The following YWHAZ variants were observed in gnomAD, a reference collection of about 807,000 sequenced individuals.
YWHAZ encodes the protein tyrosine 3-monooxygenase/tryptophan 5-monooxygenase activation protein zeta.
For synonymous variants in YWHAZ, 87 were observed against 103.6 expected (o/e 0.84, Z 0.97); for missense variants, 79 against 284.8 (o/e 0.28, Z 5.20).
chr8:100,928,327 C>T (rs1481176882), intron 2 of YWHAZ, among the ~76,000 whole-genome samples: 2 of 151,836 alleles, frequency 1.3e-5, no homozygotes, highest in Non-Finnish European at 2.9e-5. Flanking sequence ...TCTAATAAAT[C>T]GTCCAATGAC....
intron 5 of YWHAZ, 177 bp downstream of exon 5, chr8:100,923,778 G>T (rs1360926515): frequency 4.1e-6 from 2 of 483,498 alleles, no homozygotes. Context: ...TAATATTTCA[G>T]TTTCTGTAAT....
Position 100,946,445 on chromosome 8 carries a change from G to C in YWHAZ, c.294+2151C>G, listed in dbSNP as rs1810276628. 2.6e-5 allele frequency among the ~76,000 whole-genome samples: 4 copies of C among 152,286 alleles called. No homozygotes were observed. In the South Asian group the frequency reaches 8.3e-4, roughly 32 times the overall value. ...CACGCCCAGTAATCCCAGCTACTCG[G>C]GAGGTCAAGGCAGAAGAATTGCTTG... On this transcript the variant is annotated intron_variant, in intron 2 of 5. Transcript: ENST00000395958.
chr8:100,948,222 T>TA lies in YWHAZ; in HGVS notation c.294+373dup, dbSNP rs761973519. 32 of 1,249,998 alleles carry TA rather than the reference T, an allele frequency of 2.6e-5. 1 individual carries two copies. In the East Asian group the frequency reaches 2.6e-4, roughly 10 times the overall value. The allele number at this position is 1,249,998 out of a possible 1,614,324, so 77.4% of individuals were successfully genotyped here. A position where few individuals can be genotyped will look rare whatever the true frequency, so the allele number is the denominator to read the frequency against. ...AGTATCCTATTACATCTCTCTTACC[T>TA]AAAGTATGTAAAATTCCTTTATCCA... On this transcript the variant is annotated intron_variant, in intron 2 of 5. Coordinates refer to ENST00000395958, the MANE Select transcript of YWHAZ (RefSeq NM_145690.3). This position sits in a 1 kb window ranked among gnomAD's most constrained non-coding sequence, Gnocchi z 4.2.
At chr8:100,921,867 G>A (rs1406594474) in intron 5 of YWHAZ, among the ~76,000 whole-genome samples, 3 of 152,206 alleles carry the variant, frequency 2.0e-5, no homozygotes, top group Admixed American at 1.3e-4. Flanking sequence ...ATTACAAAAG[G>A]ATTCAAGACA....
chr8:100,934,887 C>T (rs1814031301), intron 2 of YWHAZ: 1 of 152,052 alleles, frequency 6.6e-6, no homozygotes, highest in African/African-American at 2.4e-5. Flanking sequence ...GTTACAGCAG[C>T]TTTATTTTTT....
intron 1 of YWHAZ, chr8:100,951,217 A>T: frequency 1.0e-6 from 1 of 983,860 alleles, no homozygotes; most frequent in Non-Finnish European, 1.2e-6. Flanking sequence ...GCCGGCGCGC[A>T]GCCTCGCCCC....
Position 100,948,232 on chromosome 8 carries a change from A to G in YWHAZ, c.294+364T>C. ...TACATCTCTCTTACCTAAAGTATGT[A>G]AAATTCCTTTATCCACAGATGTACA... On this transcript the variant is annotated intron_variant, in intron 2 of 5. Transcript: ENST00000395958. The surrounding 1 kb of genome is among the most constrained non-coding windows in gnomAD (Gnocchi z 4.2). The G allele has an allele frequency of 8.5e-7, 1 of 1,182,622 alleles. No individual in the cohort carries two copies. Among genetic ancestry groups the G allele is most frequent in the African/African-American group, 1.5e-5 (1 of 64,842 alleles). 73.3% of individuals were successfully genotyped at this position (1,182,622 alleles called of 1,614,324 possible). A position where few individuals can be genotyped will look rare whatever the true frequency, so the allele number is the denominator to read the frequency against.
chr8:100,920,778 A>G, intron 5 of YWHAZ, 26 bp from the exon 6 acceptor site: 1 of 529,790 alleles, frequency 1.9e-6, no homozygotes, highest in East Asian at 7.4e-5. Flanking sequence ...AAGATTTTTC[A>G]GCAAGTTTCA....
intron 2 of YWHAZ, among the ~76,000 whole-genome samples, chr8:100,940,080 G>T: frequency 8.6e-6 from 1 of 116,682 alleles, no homozygotes; most frequent in East Asian, 2.9e-4. Flanking sequence ...AAAAAAAAAA[G>T]TGAAACACTA....
In YWHAZ at chr8:100,916,950, A is replaced by G. The variant is rs1812734679; in HGVS notation, c.*3743T>C. The G allele has an allele frequency of 6.6e-6, 1 of 152,236 alleles. No individual in the cohort carries two copies. The highest frequency in any genetic ancestry group is 2.1e-4 in the South Asian group (1 of 4,836). 9.4% of individuals were successfully genotyped at this position (152,236 alleles called of 1,614,324 possible). On this transcript the variant is annotated 3_prime_UTR_variant, in exon 6 of 6. Coordinates refer to ENST00000395958, the MANE Select transcript of YWHAZ (RefSeq NM_145690.3). ...AGTGCCCAGTCTCAGCCACCACTTT[A>G]CTATTGTACATATTTTCAGTTCTAC...
chr8:100,926,717 A>AT lies in YWHAZ; in HGVS notation c.295-1679dup, dbSNP rs543546773. ...TCTTACACCACATTCATACTTTCAT[A>AT]TTCAAAGTTCTCTTAGCTGCAAAAG... On this transcript the variant is annotated intron_variant, in intron 2 of 5. Transcript: ENST00000395958. Among the ~76,000 whole-genome samples, 85 of 152,362 alleles carry AT rather than the reference A, an allele frequency of 5.6e-4. No individual in the cohort carries two copies. In the South Asian group the frequency reaches 0.016, roughly 28 times the overall value.
Position 100,924,090 on chromosome 8 carries a change from A to G in YWHAZ, c.583-40T>C. The G allele has an allele frequency of 6.2e-7, 1 of 1,607,860 alleles. No homozygotes were observed. The highest frequency in any genetic ancestry group is 8.5e-7 in the Non-Finnish European group (1 of 1,178,028). ...TAGTACATTACATTTCAGTGCTCAAATAATAAAGACTGCTAAATTTCTACG... is the reference window on the plus strand; with the variant it reads ...TAGTACATTACATTTCAGTGCTCAAGTAATAAAGACTGCTAAATTTCTACG... On this transcript the variant is annotated intron_variant, in intron 4 of 5. Coordinates refer to ENST00000395958, the MANE Select transcript of YWHAZ (RefSeq NM_145690.3). This position sits in a 1 kb window ranked among gnomAD's most constrained non-coding sequence, Gnocchi z 5.7.
chr8:100,936,259 G>A (rs1814138688), intron 2 of YWHAZ, among the ~76,000 whole-genome samples: 1 of 152,166 alleles, frequency 6.6e-6, no homozygotes, highest in Non-Finnish European at 1.5e-5. Flanking sequence ...TATTTAAAAA[G>A]CACTTTGGCA....
chr8:100,931,008 A>G (rs190341765), intron 2 of YWHAZ, among the ~76,000 whole-genome samples: 1 of 152,358 alleles, frequency 6.6e-6, no homozygotes, highest in African/African-American at 2.4e-5. Flanking sequence ...AAGAGAGGAC[A>G]CTAATCCTTA....
chr8:100,920,667 G>C lies in YWHAZ; in HGVS notation c.*26C>G. The C allele has an allele frequency of 6.3e-7, 1 of 1,591,188 alleles. No individual in the cohort carries two copies. The highest frequency in any genetic ancestry group is 8.6e-7 in the Non-Finnish European group (1 of 1,160,400). On this transcript the variant is annotated 3_prime_UTR_variant, in exon 6 of 6. Coordinates refer to ENST00000395958, the MANE Select transcript of YWHAZ (RefSeq NM_145690.3). Reference sequence around the variant, plus strand: ...TGGTCTACTGTGTAAATTTTAGAATGAGGCAGACAAAAGTTGGAAGGCCGG... The same window carrying C: ...TGGTCTACTGTGTAAATTTTAGAATCAGGCAGACAAAAGTTGGAAGGCCGG...
At chr8:100,951,204 C>A (rs1184666052) in intron 1 of YWHAZ, 2 of 985,260 alleles carry the variant, frequency 2.0e-6, no homozygotes, top group Admixed American at 6.1e-5. Flanking sequence ...GGACTCCCCT[C>A]CCGCCGGCGC....
chr8:100,937,614 G>C (rs1314059558), intron 2 of YWHAZ, among the ~76,000 whole-genome samples: 2 of 152,178 alleles, frequency 1.3e-5, no homozygotes, highest in Non-Finnish European at 2.9e-5. Flanking sequence ...ATGTGAGTGG[G>C]AGAAAGATCA....
rs553976916 is a variant in YWHAZ at position 100,928,262 on chromosome 8, A to C, written c.295-3223T>G. On this transcript the variant is annotated intron_variant, in intron 2 of 5. Transcript: ENST00000395958. ...GCCACTGCACTCCAGCCTGGGCAAC[A>C]GAGTGAGACTCCGTCTCAAAAAAAA... Among the ~76,000 whole-genome samples the C allele has an allele frequency of 6.6e-5, 10 of 150,762 alleles. No individual in the cohort carries two copies. The East Asian group carries it at 1.8e-3, about 28-fold the overall frequency.
chr8:100,923,852 G>GA, intron 5 of YWHAZ, 103 bp downstream of exon 5: 1 of 884,888 alleles, frequency 1.1e-6, no homozygotes, highest in Non-Finnish European at 1.7e-6. Context: ...AATGTGTTGA[G>GA]AAAAAATTTT....
Sources: allele counts gnomAD v4.1 joint callset (sites outside exome capture counted in the v4.1 genomes callset), GRCh38; gene constraint gnomAD v4.1.1; non-coding constraint Gnocchi (gnomAD v3.1); transcripts MANE v1.5; gene names NCBI Gene and HGNC (gene_info 2026-07-23, HGNC 2026-07-21).